Variants in CTNNAL1 observed in about 807,000 individuals in gnomAD.
CTNNAL1 encodes catenin alpha like 1, also known as alpha-catulin.
Under a neutral mutation model 93.6 loss-of-function variants are expected in CTNNAL1, and 69 were observed. The ratio of observed to expected loss-of-function variants is 0.74; its 90% CI spans 0.61 to 0.90. The LOEUF (loss-of-function observed/expected upper bound fraction) is 0.90. Among genes scored for constraint, CTNNAL1 ranks in the 40% least tolerant of loss-of-function variants. CTNNAL1 has a pLI of 0.00. For missense variants in CTNNAL1, 836 were observed against 862.0 expected (o/e 0.97, Z 0.38); for synonymous variants, 286 against 305.4 (o/e 0.94, Z 0.66).
chr9:109,004,472 C>T (rs1275170351), intron 1 of CTNNAL1, among the ~76,000 whole-genome samples: 2 of 152,128 alleles, frequency 1.3e-5, no homozygotes, highest in African/African-American at 4.8e-5. Flanking sequence ...AGCCATATTG[C>T]CTTCTCTGAC....
intron 12 of CTNNAL1, among the ~76,000 whole-genome samples, chr9:108,953,480 G>A (rs994867240): frequency 1.3e-5 from 2 of 151,980 alleles, no homozygotes; most frequent in African/African-American, 4.8e-5. Flanking sequence ...CACACATTGG[G>A]TATGGATTCA....
chr9:108,965,491 G>C lies in CTNNAL1; in HGVS notation c.1478C>G (p.Ser493Cys). ...TAGGTTTTCTTTAGCAATTTTACTAGATGGATGCAATGTCAATGTTTCAGC... is the reference window on the plus strand; with the variant it reads ...TAGGTTTTCTTTAGCAATTTTACTACATGGATGCAATGTCAATGTTTCAGC... The part of the protein sequence containing the change: ...SAAETLTLHP[S>C]SKIAKENLDV... Residue 493 changes from serine (S) to cysteine (C), a missense_variant, in exon 11 of 19, where the codon TCT becomes TGT. Physicochemically the swap from Ser to Cys is moderately radical, Grantham distance 112. Coordinates refer to ENST00000325551, the MANE Select transcript of CTNNAL1 (RefSeq NM_003798.4). 1 of 1,587,842 alleles carries C rather than the reference G, an allele frequency of 6.3e-7. No homozygotes were observed. Among genetic ancestry groups the C allele is most frequent in the Admixed American group, 1.8e-5 (1 of 55,450 alleles).
intron 4 of CTNNAL1, among the ~76,000 whole-genome samples, chr9:108,985,072 C>T (rs1258840151): frequency 6.6e-6 from 1 of 152,146 alleles, no homozygotes; most frequent in Non-Finnish European, 1.5e-5. Context: ...CCTCACAGAG[C>T]CCTCAATAGA....
intron 1 of CTNNAL1, among the ~76,000 whole-genome samples, chr9:109,007,879 T>A (rs748066568): frequency 6.6e-6 from 1 of 152,204 alleles, no homozygotes; most frequent in Non-Finnish European, 1.5e-5. Context: ...CACTCCTTTA[T>A]TATAACTATT....
At chr9:108,981,900 G>A (rs914405554) in intron 6 of CTNNAL1, among the ~76,000 whole-genome samples, 25 of 152,168 alleles carry the variant, frequency 1.6e-4, no homozygotes, top group African/African-American at 4.1e-4. Flanking sequence ...ACTCCAGCCC[G>A]AGAAACAAGA....
At chr9:109,008,979 T>A (rs956217157) in intron 1 of CTNNAL1, among the ~76,000 whole-genome samples, 2 of 144,530 alleles carry the variant, frequency 1.4e-5, no homozygotes, top group African/African-American at 5.2e-5. Flanking sequence ...ACAGCAGGCT[T>A]AACCTCCCCA....
At chr9:109,006,085 AT>A (rs967006877) in intron 1 of CTNNAL1, among the ~76,000 whole-genome samples, 15 of 152,260 alleles carry the variant, frequency 9.9e-5, no homozygotes, top group Non-Finnish European at 1.3e-4. Flanking sequence ...GAAATGGAAA[AT>A]ATAGGAGAGC....
chr9:108,984,605 C>T (rs1379381052), intron 4 of CTNNAL1, among the ~76,000 whole-genome samples, 169 bp from the exon 5 acceptor site: 1 of 144,056 alleles, frequency 6.9e-6, no homozygotes, highest in East Asian at 2.0e-4. Context: ...TCAATATAAA[C>T]ACATCAACAC....
chr9:108,943,143 A>G lies in CTNNAL1; in HGVS notation c.2056-99T>C, dbSNP rs1443856936. The G allele has an allele frequency of 8.3e-6, 9 of 1,081,316 alleles. No individual in the cohort carries two copies. The African/African-American group carries it at 1.1e-4, about 13-fold the overall frequency. 67.0% of individuals were successfully genotyped at this position (1,081,316 alleles called of 1,614,324 possible). A position where few individuals can be genotyped will look rare whatever the true frequency, so the allele number is the denominator to read the frequency against. The stretch of plus-strand genomic sequence containing the variant: ...AACATGATAAAATTTCTCCATATGG[A>G]AATCTAAGGGATCTTGAAAGAGATA... On this transcript the variant is annotated intron_variant, in intron 17 of 18. Coordinates refer to ENST00000325551, the MANE Select transcript of CTNNAL1 (RefSeq NM_003798.4).
At chr9:108,960,150 C>T (rs1053949404) in intron 11 of CTNNAL1, among the ~76,000 whole-genome samples, 4 of 152,108 alleles carry the variant, frequency 2.6e-5, no homozygotes, top group African/African-American at 9.7e-5. Flanking sequence ...AATCCCTGAC[C>T]ACTAAAGCAT....
Position 108,970,479 on chromosome 9 carries a change from G to GT in CTNNAL1, c.1362dup (p.Arg455ThrfsTer32), listed in dbSNP as rs1564131658. 1 of 1,610,668 alleles carries GT rather than the reference G, an allele frequency of 6.2e-7. No homozygotes were observed. The highest frequency in any genetic ancestry group is 8.5e-7 in the Non-Finnish European group (1 of 1,178,578). On this transcript the variant is annotated frameshift_variant, in exon 10 of 19. Coordinates refer to ENST00000325551, the MANE Select transcript of CTNNAL1 (RefSeq NM_003798.4). LOFTEE classifies it high-confidence loss of function. ...AGAGGTTCTGTCCCAGATATGTGTC[G>GT]TAACAATCGACAGGTCTACAAGACA...
At chr9:108,992,859 C>T (rs754944645) in intron 2 of CTNNAL1, 40 bp from the exon 3 acceptor site, 6 of 1,562,800 alleles carry the variant, frequency 3.8e-6, no homozygotes, top group Non-Finnish European at 5.2e-6. Flanking sequence ...AACAGGCATA[C>T]AAATTAAAAT....
At chr9:109,010,166 A>T (rs1334980015) in intron 1 of CTNNAL1, among the ~76,000 whole-genome samples, 2 of 152,138 alleles carry the variant, frequency 1.3e-5, no homozygotes, top group Non-Finnish European at 2.9e-5. Flanking sequence ...CTGAGACTAG[A>T]GTAGCTGGGA....
At chr9:109,001,916 C>T (rs894862626) in intron 1 of CTNNAL1, among the ~76,000 whole-genome samples, 1 of 152,158 alleles carries the variant, frequency 6.6e-6, no homozygotes, top group Admixed American at 6.5e-5. Context: ...CAATAGATAA[C>T]TAATACAGAT....
At chr9:109,004,154 C>T (rs1175165682) in intron 1 of CTNNAL1, among the ~76,000 whole-genome samples, 1 of 152,126 alleles carries the variant, frequency 6.6e-6, no homozygotes, top group Non-Finnish European at 1.5e-5. Context: ...AGGCTCACAT[C>T]ATGAGCCTAA....
intron 1 of CTNNAL1, among the ~76,000 whole-genome samples, chr9:109,008,152 C>CTTTTTTTTT (rs149753320): frequency 2.3e-5 from 2 of 85,290 alleles, no homozygotes; most frequent in Non-Finnish European, 4.5e-5. Flanking sequence ...ATCCATCTTT[C>CTTTTTTTTT]TTTTTTTTTT....
At chr9:109,003,356 T>C (rs937091671) in intron 1 of CTNNAL1, among the ~76,000 whole-genome samples, 1 of 152,212 alleles carries the variant, frequency 6.6e-6, no homozygotes, top group African/African-American at 2.4e-5. Flanking sequence ...AGAAACACTA[T>C]CAGCTTGGAC....
In CTNNAL1 at chr9:108,974,873, G is replaced by A. The variant is rs1209399227; in HGVS notation, c.1189-2040C>T. Among the ~76,000 whole-genome samples, 7 of 152,216 alleles carry A rather than the reference G, an allele frequency of 4.6e-5. No individual in the cohort carries two copies. In the East Asian group the frequency reaches 1.2e-3, roughly 25 times the overall value. On this transcript the variant is annotated intron_variant, in intron 8 of 18. Transcript: ENST00000325551. ...ATTTCATTGTCTTGAGCCCTTGACC[G>A]TCTTCAAGAATATAAAGGAATTAAG...
intron 4 of CTNNAL1, among the ~76,000 whole-genome samples, chr9:108,985,497 T>A (rs1831577891): frequency 6.6e-6 from 1 of 152,178 alleles, no homozygotes. Context: ...TAGAATGGAT[T>A]CAGAAGTTAG....
Sources: gnomAD v4.1 joint callset for allele counts (sites outside exome capture counted in the v4.1 genomes callset) on GRCh38, gnomAD v4.1.1 for gene constraint, MANE v1.5 for transcripts, NCBI Gene and HGNC (gene_info 2026-07-23, HGNC 2026-07-21) for gene names.